SBSPON: variants seen among roughly 807,000 people sequenced by gnomAD.
SBSPON encodes somatomedin B and thrombospondin type 1 domain containing, also known as somatomedin-B and thrombospondin type-1 domain-containing protein.
In SBSPON, 30 loss-of-function variants were observed where a neutral mutation model predicts 35.8. The ratio of observed to expected loss-of-function variants is 0.84; its 90% CI spans 0.63 to 1.14. The LOEUF (loss-of-function observed/expected upper bound fraction) is 1.14, where lower values mean the gene tolerates loss of function less well. Among genes scored for constraint, SBSPON ranks in the 50% most tolerant of loss-of-function variants. The probability of loss-of-function intolerance (pLI) is 0.00; values close to 1 mark genes in which losing one functional copy is unlikely to be tolerated. For missense variants in SBSPON, 364 were observed against 357.7 expected, an observed-to-expected ratio of 1.02 and a Z score of -0.14; for synonymous variants, 136 against 135.9, an observed-to-expected ratio of 1.00 and a Z score of 0.00.
At chr8:73,090,498 G>A (rs1366642399) in intron 1 of SBSPON, among the ~76,000 whole-genome samples, 3 of 152,236 alleles carry the variant, frequency 2.0e-5, no homozygotes, top group Non-Finnish European at 4.4e-5. Context: ...TGTGGCATGG[G>A]TCCAGGGCTG....
Position 73,092,980 on chromosome 8 carries a change from G to T in SBSPON, c.88C>A (p.Pro30Thr). 5 of 1,568,122 alleles carry T rather than the reference G, an allele frequency of 3.2e-6. No individual in the cohort carries two copies. The highest frequency in any genetic ancestry group is 3.4e-6 in the Non-Finnish European group (4 of 1,160,722). ...GCGAAGCAGGCGGGGTCCCGGCCGG[G>T]ACAGCAGCGCCCGGCCTCGGCGCAG... ...AGCAEAGRCC[P>T]GRDPACFARG... is the part of the protein sequence containing the mutation. The change falls in exon 1 of 5, where the codon CCC (proline) becomes ACC (threonine). Residue 30 changes from proline (P) to threonine (T), a missense_variant. Coordinates refer to ENST00000297354, the MANE Select transcript of SBSPON (RefSeq NM_153225.4).
chr8:73,080,924 G>A (rs1415205064), intron 2 of SBSPON, 95 bp downstream of exon 2: 1 of 1,126,764 alleles, frequency 8.9e-7, no homozygotes, highest in Non-Finnish European at 1.2e-6. Context: ...GTGGTGCATG[G>A]AACCTTCCCT....
At position 73,071,767 on chromosome 8, in the gene SBSPON, A is replaced by T; in HGVS notation, c.500+13T>A. ...AAAAACATGATTAAAAAAAAAAAAAAACACGAAATTACCCAGCATCCTCTG... is the reference window on the plus strand; with the variant it reads ...AAAAACATGATTAAAAAAAAAAAAATACACGAAATTACCCAGCATCCTCTG... On this transcript the variant is annotated intron_variant, in intron 3 of 4. Coordinates refer to ENST00000297354, the MANE Select transcript of SBSPON (RefSeq NM_153225.4). 6.8e-7 allele frequency: 1 copy of T among 1,470,224 alleles called. No homozygotes were observed. The highest frequency in any genetic ancestry group is 9.4e-7 in the Non-Finnish European group (1 of 1,062,266). 91.1% of individuals were successfully genotyped at this position (1,470,224 alleles called of 1,614,324 possible).
At chr8:73,086,662 G>A (rs541446904) in intron 1 of SBSPON, among the ~76,000 whole-genome samples, 13 of 82,336 alleles carry the variant, frequency 1.6e-4, no homozygotes, top group Non-Finnish European at 2.5e-4. Flanking sequence ...TTCCTTTTGA[G>A]ACATTTACTG....
chr8:73,090,563 G>T (rs905475719), intron 1 of SBSPON, among the ~76,000 whole-genome samples: 1 of 152,208 alleles, frequency 6.6e-6, no homozygotes, highest in Non-Finnish European at 1.5e-5. Flanking sequence ...GGAGGGGCAG[G>T]CTCAGTCCCA....
In SBSPON at chr8:73,092,892, G is replaced by A. The variant is rs377646433; in HGVS notation, c.176C>T (p.Thr59Ile). Residue 59 changes from threonine to isoleucine, a missense_variant, in exon 1 of 5, where the codon ACC (threonine) becomes ATC (isoleucine). Coordinates refer to ENST00000297354, the MANE Select transcript of SBSPON (RefSeq NM_153225.4). ...GTCGTAGTCGAAGCAGCAGTCCCCGGTGAAGCGACAGGCTTGGTCGCAGAA... is the reference window on the plus strand; with the variant it reads ...GTCGTAGTCGAAGCAGCAGTCCCCGATGAAGCGACAGGCTTGGTCGCAGAA... ...TCFCDQACRFTGDCCFDYDRA... is the reference protein window; with the variant it reads ...TCFCDQACRFIGDCCFDYDRA... The A allele has an allele frequency of 1.4e-5, 23 of 1,611,890 alleles. 1 individual carries two copies. Among genetic ancestry groups the A allele is most frequent in the Non-Finnish European group, 2.0e-5 (23 of 1,179,466 alleles).
At chr8:73,073,909 T>G (rs1810544206) in intron 2 of SBSPON, among the ~76,000 whole-genome samples, 1 of 152,142 alleles carries the variant, frequency 6.6e-6, no homozygotes. Context: ...ACTGACATGT[T>G]TAATTGTTTT....
At chr8:73,073,435 T>G (rs1319722937) in intron 2 of SBSPON, among the ~76,000 whole-genome samples, 4 of 152,232 alleles carry the variant, frequency 2.6e-5, no homozygotes, top group Admixed American at 6.5e-5. Flanking sequence ...ACCTGTCTCT[T>G]TACTATCCCA....
chr8:73,092,890 C>G lies in SBSPON; in HGVS notation c.178G>C (p.Gly60Arg). The stretch of plus-strand genomic sequence containing the variant: ...CTGTCGTAGTCGAAGCAGCAGTCCC[C>G]GGTGAAGCGACAGGCTTGGTCGCAG... ...CFCDQACRFT[G>R]DCCFDYDRAC... Residue 60 changes from glycine (G) to arginine (R), a missense_variant, in exon 1 of 5, where the codon GGG (glycine) becomes CGG (arginine). Transcript: ENST00000297354. 6.2e-7 allele frequency: 1 copy of G among 1,611,776 alleles called. No individual in the cohort carries two copies. The highest frequency in any genetic ancestry group is 8.5e-7 in the Non-Finnish European group (1 of 1,179,328).
Position 73,071,797 on chromosome 8 carries a change from T to C in SBSPON, c.483A>G (p.Thr161=). The C allele has an allele frequency of 6.2e-7, 1 of 1,605,154 alleles. No individual in the cohort carries two copies. The highest frequency in any genetic ancestry group is 8.5e-7 in the Non-Finnish European group (1 of 1,172,244). ...GAAATTACCCAGCATCCTCTGTGTG[T>C]GTAGACCAGTGTGGAGACGTAGCTT... The part of the protein sequence containing the change: ...TRQATSPHWS[T]HTEDAGYCME... The change falls in exon 3 of 5, where the codon ACA becomes ACG. Residue 161 remains threonine (T), a synonymous_variant. Transcript: ENST00000297354.
intron 1 of SBSPON, among the ~76,000 whole-genome samples, chr8:73,084,749 G>GACACACAC (rs57178636): frequency 9.4e-4 from 127 of 134,448 alleles, no homozygotes; most frequent in African/African-American, 1.8e-3. Context: ...CCACTACACA[G>GACACACAC]ACACACACAC....
intron 1 of SBSPON, among the ~76,000 whole-genome samples, chr8:73,089,959 A>C (rs1810901019): frequency 6.6e-6 from 1 of 152,208 alleles, no homozygotes; most frequent in Non-Finnish European, 1.5e-5. Flanking sequence ...AACTCACTGT[A>C]GTCTCTACCT....
At chr8:73,072,018 T>C in intron 2 of SBSPON, 148 bp from the exon 3 acceptor site, 4 of 623,520 alleles carry the variant, frequency 6.4e-6, no homozygotes, top group Non-Finnish European at 8.7e-6. Context: ...GAGGCCAAGT[T>C]ACAAATTCAA....
At chr8:73,074,045 C>G (rs887403441) in intron 2 of SBSPON, among the ~76,000 whole-genome samples, 1 of 152,198 alleles carries the variant, frequency 6.6e-6, no homozygotes, top group African/African-American at 2.4e-5. Context: ...ACACAAACAT[C>G]TAAAGGATTT....
At position 73,069,870 on chromosome 8, in the gene SBSPON, ATCCACACACACC is replaced by A. The variant is rs1253697947; in HGVS notation, c.600_611del (p.Val201_Asp204del). On this transcript the variant is annotated inframe_deletion, in exon 4 of 5. Coordinates refer to ENST00000297354, the MANE Select transcript of SBSPON (RefSeq NM_153225.4). ...CAGAGTTCATAGCTGGAGGCTGACAATCCACACACACCGTGTATCCCTCTCGGAGATACTGCA... is the reference window on the plus strand; with the variant it reads ...CAGAGTTCATAGCTGGAGGCTGACAAGTGTATCCCTCTCGGAGATACTGCA... 6.2e-7 allele frequency: 1 copy of A among 1,613,960 alleles called. No homozygotes were observed. The highest frequency in any genetic ancestry group is 1.3e-5 in the African/African-American group (1 of 74,942).
At chr8:73,070,912 G>A (rs1274225672) in intron 3 of SBSPON, among the ~76,000 whole-genome samples, 1 of 152,230 alleles carries the variant, frequency 6.6e-6, no homozygotes, top group Non-Finnish European at 1.5e-5. Context: ...GATAGGTACA[G>A]CTAATTAGTA....
Position 73,071,881 on chromosome 8 carries a change from G to A in SBSPON, c.410-11C>T, listed in dbSNP as rs1355954392. On this transcript the variant is annotated splice_polypyrimidine_tract_variant and intron_variant, in intron 2 of 4. Transcript: ENST00000297354. ...TTATAAAGGCAGGAACTGGAAAAGG[G>A]AGATTTCTGTTGAATTCAGGGAGCC... is the stretch of plus-strand genomic sequence containing the variant. 2 of 1,579,300 alleles carry A rather than the reference G, an allele frequency of 1.3e-6. No homozygotes were observed. Among genetic ancestry groups the A allele is most frequent in the African/African-American group, 2.7e-5 (2 of 74,118 alleles).
In SBSPON at chr8:73,069,909, C is replaced by G; in HGVS notation, c.573G>C (p.Trp191Cys). ...CALENWPLTR[W>C]MQYLREGYTV... ...TGTATCCCTCTCGGAGATACTGCATCCATCTAGTCAAGGGCCAGTTTTCCA... is the reference window on the plus strand; with the variant it reads ...TGTATCCCTCTCGGAGATACTGCATGCATCTAGTCAAGGGCCAGTTTTCCA... The change falls in exon 4 of 5, where the codon TGG (tryptophan) becomes TGC (cysteine). Residue 191 changes from tryptophan (W) to cysteine (C), a missense_variant. Trp to Cys is a radical substitution (Grantham distance 215, BLOSUM62 -2). Transcript: ENST00000297354. The G allele has an allele frequency of 6.2e-7, 1 of 1,612,566 alleles. No homozygotes were observed. The highest frequency in any genetic ancestry group is 8.5e-7 in the Non-Finnish European group (1 of 1,178,706).
intron 2 of SBSPON, among the ~76,000 whole-genome samples, chr8:73,072,168 C>T (rs533539118): frequency 6.7e-6 from 1 of 150,036 alleles, no homozygotes; most frequent in South Asian, 2.1e-4. Context: ...AGATGGGGGT[C>T]AGAAGGGGAA....
Sources: allele counts gnomAD v4.1 joint callset (sites outside exome capture counted in the v4.1 genomes callset), GRCh38; gene constraint gnomAD v4.1.1; transcripts MANE v1.5; gene names NCBI Gene and HGNC (gene_info 2026-07-23, HGNC 2026-07-21).